The following MAP3K19 variants were observed in gnomAD, a reference collection of about 807,000 sequenced individuals.
MAP3K19 encodes mitogen-activated protein kinase kinase kinase 19.
MAP3K19 carries 91 observed loss-of-function variants against 114.4 expected under a neutral mutation model. The observed-to-expected ratio is 0.80, with a 90% confidence interval of 0.67 to 0.95. MAP3K19 has a LOEUF of 0.95. MAP3K19 is among the 40% of genes least tolerant of loss of function. MAP3K19 has a pLI of 0.00. For missense variants in MAP3K19, 1,471 were observed against 1,573.2 expected (o/e 0.94, Z 1.10); for synonymous variants, 518 against 530.5 (o/e 0.98, Z 0.32).
chr2:135,025,362 A>G (rs1027087845), intron 3 of MAP3K19, among the ~76,000 whole-genome samples: 16 of 143,754 alleles, frequency 1.1e-4, no homozygotes, highest in African/African-American at 3.9e-4. Context: ...GCCTCTCCAC[A>G]TGGCCTTTTC....
chr2:135,025,037 A>G (rs1688198504), intron 3 of MAP3K19, among the ~76,000 whole-genome samples: 1 of 152,180 alleles, frequency 6.6e-6, no homozygotes, highest in Non-Finnish European at 1.5e-5. Context: ...GGTACATAAA[A>G]TCAAGTAAAG....
At chr2:135,023,542 A>G (rs781513614) in intron 4 of MAP3K19, 1 of 533,234 alleles carries the variant, frequency 1.9e-6, no homozygotes. Context: ...TGTTGGTTGT[A>G]TTTCCATCTC....
chr2:134,993,669 T>C (rs566153718), intron 8 of MAP3K19, among the ~76,000 whole-genome samples: 1 of 152,330 alleles, frequency 6.6e-6, no homozygotes, highest in South Asian at 2.1e-4. Flanking sequence ...CTTTCAAGTA[T>C]TCTTATAAAT....
Position 134,964,785 on chromosome 2 carries a change from T to C in MAP3K19, c.*65A>G, listed in dbSNP as rs183166209. On this transcript the variant is annotated 3_prime_UTR_variant, in exon 13 of 13. Coordinates refer to ENST00000392915, the MANE Select transcript of MAP3K19 (RefSeq NM_025052.5). ...TGGGGAAACAAAGATCCCTTAGCCA[T>C]CATTCCCCACAATTAAGCAAGGGAG... 1.5e-6 allele frequency: 2 copies of C among 1,299,146 alleles called. No individual in the cohort carries two copies. Among genetic ancestry groups the C allele is most frequent in the East Asian group, 4.7e-5 (2 of 42,510 alleles). 80.5% of individuals were successfully genotyped at this position (1,299,146 alleles called of 1,614,324 possible).
At chr2:135,002,530 T>A (rs1686516187) in intron 6 of MAP3K19, among the ~76,000 whole-genome samples, 1 of 152,070 alleles carries the variant, frequency 6.6e-6, no homozygotes, top group African/African-American at 2.4e-5. Flanking sequence ...TCTGTCTGGA[T>A]TGCGAGCATG....
intron 8 of MAP3K19, among the ~76,000 whole-genome samples, chr2:134,993,650 A>T (rs998507817): frequency 5.3e-5 from 8 of 152,138 alleles, no homozygotes; most frequent in Admixed American, 2.0e-4. Flanking sequence ...TGAATTTTTT[A>T]AAAAAACGCT....
chr2:135,024,506 C>T, intron 4 of MAP3K19, 120 bp downstream of exon 4: 1 of 929,412 alleles, frequency 1.1e-6, no homozygotes, highest in Non-Finnish European at 1.8e-6. Flanking sequence ...GTCACTGCTC[C>T]ATAAATAGCC....
Position 134,993,380 on chromosome 2 carries a change from T to C in MAP3K19, c.575-1800A>G, listed in dbSNP as rs1685751209. ...ACAGGAGGGGGCACAGGCATTCCCC[T>C]TGGACACAGCTGGCCATGGCACCTC... On this transcript the variant is annotated intron_variant, in intron 8 of 12. Coordinates refer to ENST00000392915, the MANE Select transcript of MAP3K19 (RefSeq NM_025052.5). Among the ~76,000 whole-genome samples, 4 of 152,334 alleles carry C rather than the reference T, an allele frequency of 2.6e-5. No homozygotes were observed. In the South Asian group the frequency reaches 8.3e-4, roughly 32 times the overall value.
chr2:135,030,101 G>A (rs900178798), intron 3 of MAP3K19, among the ~76,000 whole-genome samples: 4 of 152,216 alleles, frequency 2.6e-5, no homozygotes, highest in African/African-American at 7.2e-5. Flanking sequence ...CTTGAGGAAG[G>A]TGGAAATCGA....
intron 4 of MAP3K19, among the ~76,000 whole-genome samples, chr2:135,022,439 G>A (rs547704817): frequency 3.7e-4 from 57 of 152,276 alleles, no homozygotes; most frequent in Middle Eastern, 6.8e-3. Context: ...TCTACTGGTG[G>A]AAGATTAGGA....
chr2:134,999,010 G>A lies in MAP3K19; in HGVS notation c.315-13C>T, dbSNP rs752535528. 25 of 1,602,034 alleles carry A rather than the reference G, an allele frequency of 1.6e-5. No individual in the cohort carries two copies. In the East Asian group the frequency reaches 5.6e-4, roughly 36 times the overall value. On this transcript the variant is annotated splice_polypyrimidine_tract_variant and intron_variant, in intron 7 of 12. Transcript: ENST00000392915. This position sits in a 1 kb window ranked among gnomAD's most constrained non-coding sequence, Gnocchi z 4.1. ...TGAGTTTATCAGACTAAAGGGGGAG[G>A]GAAATGTTTGATTTAAAACTCAGTT...
At chr2:135,021,872 C>T (rs758438437) in intron 4 of MAP3K19, 42 bp from the exon 5 acceptor site, 12 of 1,248,478 alleles carry the variant, frequency 9.6e-6, no homozygotes, top group Admixed American at 2.2e-5. Context: ...TAAGATTCAT[C>T]TCCAGCAATT....
At position 135,024,700 on chromosome 2, in the gene MAP3K19, T is replaced by C; in HGVS notation, c.-53A>G. ...TGAACTCTCTATTTGTGACACATAA[T>C]GTATTGCTGATTTTCCACTAAAATC... On this transcript the variant is annotated 5_prime_UTR_variant, in exon 4 of 13. Transcript: ENST00000392915. 3 of 1,512,932 alleles carry C rather than the reference T, an allele frequency of 2.0e-6. No homozygotes were observed. The highest frequency in any genetic ancestry group is 2.8e-5 in the African/African-American group (2 of 72,678). The allele number at this position is 1,512,932 out of a possible 1,614,324, so 93.7% of individuals were successfully genotyped here. A position where few individuals can be genotyped will look rare whatever the true frequency, so the allele number is the denominator to read the frequency against.
In MAP3K19 at chr2:135,005,508, G is replaced by A; in HGVS notation, c.162C>T (p.Cys54=). ...RSEEFDQDGD[C]SHSTLVNEEE... is the part of the protein sequence containing the mutation. ...CTTCATTAACCAGTGTGGAATGACT[G>A]CAGTCACCATCTTGGTCGAACTCCT... Residue 54 remains cysteine, a synonymous_variant, in exon 6 of 13, where the codon TGC becomes TGT. Transcript: ENST00000392915. The A allele has an allele frequency of 6.2e-7, 1 of 1,613,906 alleles. No individual in the cohort carries two copies. Among genetic ancestry groups the A allele is most frequent in the Non-Finnish European group, 8.5e-7 (1 of 1,179,822 alleles).
At chr2:134,993,704 T>C (rs1162787494) in intron 8 of MAP3K19, among the ~76,000 whole-genome samples, 1 of 152,244 alleles carries the variant, frequency 6.6e-6, no homozygotes, top group Non-Finnish European at 1.5e-5. Flanking sequence ...TATCCAGTAT[T>C]GGTCAGGAAT....
At chr2:134,975,717 C>G (rs557313343) in intron 12 of MAP3K19, among the ~76,000 whole-genome samples, 1 of 152,276 alleles carries the variant, frequency 6.6e-6, no homozygotes, top group East Asian at 1.9e-4. Flanking sequence ...CATGGTTTGG[C>G]TTCTGGTGGT....
At chr2:134,989,903 G>T (rs1685436772) in intron 9 of MAP3K19, among the ~76,000 whole-genome samples, 1 of 152,066 alleles carries the variant, frequency 6.6e-6, no homozygotes, top group South Asian at 2.1e-4. Context: ...CCAACATGGT[G>T]AAACCCCATC....
chr2:134,978,981 C>G (rs1220408725), intron 12 of MAP3K19, among the ~76,000 whole-genome samples: 2 of 152,150 alleles, frequency 1.3e-5, no homozygotes, highest in African/African-American at 4.8e-5. Context: ...TAGGAGTACC[C>G]CCTCCATGCT....
chr2:134,981,390 T>G lies in MAP3K19; in HGVS notation c.3351A>C (p.Ala1117=), dbSNP rs778168920. The G allele has an allele frequency of 1.2e-6, 2 of 1,614,126 alleles. No individual in the cohort carries two copies. Among genetic ancestry groups the G allele is most frequent in the Non-Finnish European group, 1.7e-6 (2 of 1,180,046 alleles). Residue 1117 remains alanine (A), a synonymous_variant, in exon 12 of 13, where the codon GCA becomes GCC. Coordinates refer to ENST00000392915, the MANE Select transcript of MAP3K19 (RefSeq NM_025052.5). ...KLQEEVDLLK[A]LKHVNIVAYL... ...AGGCCACAATGTTGACATGTTTCAG[T>G]GCTTTGAGCAAATCTACTTCTTCCT... is the stretch of plus-strand genomic sequence containing the variant.
Sources: allele counts gnomAD v4.1 joint callset (sites outside exome capture counted in the v4.1 genomes callset), GRCh38; gene constraint gnomAD v4.1.1; non-coding constraint Gnocchi (gnomAD v3.1); transcripts MANE v1.5; gene names NCBI Gene and HGNC (gene_info 2026-07-23, HGNC 2026-07-21).